The following TMEM125 variants were observed in gnomAD, a reference collection of about 807,000 sequenced individuals.
The protein encoded by TMEM125 is transmembrane protein 125.
Under a neutral mutation model 8.7 loss-of-function variants are expected in TMEM125, and 11 were observed. The observed-to-expected ratio is 1.26, with a 90% CI of 0.79 to 2.08. The LOEUF is 2.08. Among genes scored for constraint, TMEM125 ranks in the 30% most tolerant of loss-of-function variants. TMEM125 has a pLI of 0.00. For missense variants in TMEM125, 270 were observed against 302.4 expected (o/e 0.89, Z 0.79); for synonymous variants, 144 against 146.1 (o/e 0.99, Z 0.10).
Position 43,272,479 on chromosome 1 carries a change from C to G in TMEM125, c.-145-99C>G. On this transcript the variant is annotated intron_variant, in intron 3 of 3. Coordinates refer to ENST00000439858, the MANE Select transcript of TMEM125 (RefSeq NM_144626.3). This position sits in a 1 kb window ranked among gnomAD's most constrained non-coding sequence, Gnocchi z 5.0. ...CTATCCCAGGGGAGATTCGGGGGAA[C>G]ACTGGGGTGGATTCTCAGGGATCAT... 4.7e-6 allele frequency: 2 copies of G among 429,848 alleles called. No homozygotes were observed. Among genetic ancestry groups the G allele is most frequent in the Non-Finnish European group, 8.2e-6 (2 of 245,354 alleles). The allele number at this position is 429,848 out of a possible 1,614,324, so 26.6% of individuals were successfully genotyped here.
chr1:43,273,572 T>C lies in TMEM125; in HGVS notation c.*190T>C. ...CCCACACATCCACATCATGGGAAGG[T>C]TAATGTGTGCCTCCTTGGAACTGGG... is the stretch of plus-strand genomic sequence containing the variant. On this transcript the variant is annotated 3_prime_UTR_variant, in exon 4 of 4. Coordinates refer to ENST00000439858, the MANE Select transcript of TMEM125 (RefSeq NM_144626.3). 1.3e-6 allele frequency: 1 copy of C among 747,722 alleles called. No individual in the cohort carries two copies. The highest frequency in any genetic ancestry group is 2.7e-5 in the East Asian group (1 of 36,506). The allele number at this position is 747,722 out of a possible 1,614,324, so 46.3% of individuals were successfully genotyped here.
Position 43,273,921 on chromosome 1 carries a change from G to C in TMEM125, c.*539G>C, listed in dbSNP as rs1646513492. The C allele has an allele frequency of 5.9e-6, 1 of 169,650 alleles. No individual in the cohort carries two copies. Among genetic ancestry groups the C allele is most frequent in the Non-Finnish European group, 1.4e-5 (1 of 69,906 alleles). 10.5% of individuals were successfully genotyped at this position (169,650 alleles called of 1,614,324 possible). A position where few individuals can be genotyped will look rare whatever the true frequency, so the allele number is the denominator to read the frequency against. ...TCATGGTTGTGTTAATCGATTGTGG[G>C]GATGAAATGTCATTGTGTATGGAAG... is the stretch of plus-strand genomic sequence containing the variant. On this transcript the variant is annotated 3_prime_UTR_variant, in exon 4 of 4. Transcript: ENST00000439858.
In TMEM125 at chr1:43,273,918, T is replaced by C. The variant is rs1012723374; in HGVS notation, c.*536T>C. ...CTATCATGGTTGTGTTAATCGATTG[T>C]GGGGATGAAATGTCATTGTGTATGG... On this transcript the variant is annotated 3_prime_UTR_variant, in exon 4 of 4. Coordinates refer to ENST00000439858, the MANE Select transcript of TMEM125 (RefSeq NM_144626.3). 1 of 169,822 alleles carries C rather than the reference T, an allele frequency of 5.9e-6. No individual in the cohort carries two copies. The highest frequency in any genetic ancestry group is 6.3e-5 in the Admixed American group (1 of 15,896). 10.5% of individuals were successfully genotyped at this position (169,822 alleles called of 1,614,324 possible).
Position 43,272,762 on chromosome 1 carries a change from C to T in TMEM125, c.40C>T (p.Leu14=). The change falls in exon 4 of 4, where the codon CTG becomes TTG. Residue 14 remains leucine, a synonymous_variant. Transcript: ENST00000439858. The surrounding 1 kb of genome is among the most constrained non-coding windows in gnomAD (Gnocchi z 5.0). The part of the protein sequence containing the change: ...QEAQAPGGRG[L]PPDMLAEQVE... ...GGCTCAAGCCCCAGGGGGCCGGGGGCTGCCCCCGGACATGCTGGCAGAGCA... is the reference window on the plus strand; with the variant it reads ...GGCTCAAGCCCCAGGGGGCCGGGGGTTGCCCCCGGACATGCTGGCAGAGCA... 1 of 1,519,274 alleles carries T rather than the reference C, an allele frequency of 6.6e-7. No homozygotes were observed. Among genetic ancestry groups the T allele is most frequent in the African/African-American group, 1.4e-5 (1 of 72,248 alleles). The allele number at this position is 1,519,274 out of a possible 1,614,324, so 94.1% of individuals were successfully genotyped here. A position where few individuals can be genotyped will look rare whatever the true frequency, so the allele number is the denominator to read the frequency against.
At position 43,271,805 on chromosome 1, in the gene TMEM125, G is replaced by A. The variant is rs1015434053; in HGVS notation, c.-301-379G>A. ...AGAGGTGGAGCCCCAGGGACAGGAC[G>A]TGGATTAGATACAGCAGAGGGAGGA... On this transcript the variant is annotated intron_variant, in intron 2 of 3. Coordinates refer to ENST00000439858, the MANE Select transcript of TMEM125 (RefSeq NM_144626.3). This position sits in a 1 kb window ranked among gnomAD's most constrained non-coding sequence, Gnocchi z 4.9. Among the ~76,000 whole-genome samples the A allele has an allele frequency of 9.2e-5, 14 of 152,310 alleles. No individual in the cohort carries two copies. In the East Asian group the frequency reaches 2.3e-3, roughly 25 times the overall value.
intron 1 of TMEM125, 150 bp downstream of exon 1, chr1:43,270,235 A>C (rs530727155): frequency 2.6e-4 from 39 of 152,216 alleles, no homozygotes; most frequent in Non-Finnish European, 4.4e-4. Context: ...CTTAGTCCAG[A>C]ATTTGAGTTG....
intron 1 of TMEM125, 85 bp from the exon 2 acceptor site, chr1:43,270,596 G>C (rs941339885): frequency 1.3e-5 from 2 of 152,802 alleles, no homozygotes; most frequent in African/African-American, 4.8e-5. Context: ...GAATGCCTCA[G>C]CCCAGCAGAA....
In TMEM125 at chr1:43,273,231, T is replaced by A. The variant is rs1646507460; in HGVS notation, c.509T>A (p.Val170Glu). ...CTGCTGGGCCTGCTGCTGTATCAAG[T>A]GGGTGTGAGCGGACACTGCCCCTCC... Reference protein sequence around the residue: ...LLLLGLLLYQVGVSGHCPSIC... With the variant: ...LLLLGLLLYQEGVSGHCPSIC... The change falls in exon 4 of 4, where the codon GTG becomes GAG. Residue 170 changes from valine to glutamate, a missense_variant. Around this residue, in one of 3 missense-constraint regions of TMEM125, gnomAD observed 3 missense variants for 16.5 expected, o/e 0.18. Transcript: ENST00000439858. 1 of 1,614,032 alleles carries A rather than the reference T, an allele frequency of 6.2e-7. No homozygotes were observed. The highest frequency in any genetic ancestry group is 1.7e-5 in the Admixed American group (1 of 60,004).
Position 43,271,443 on chromosome 1 carries a change from G to A in TMEM125, c.-302+650G>A, listed in dbSNP as rs1281513869. ...CACAGGCACTGGCCTGCTTGCTTCT[G>A]TCTCTGTCTTCTGCTGCAGACTGGG... On this transcript the variant is annotated intron_variant, in intron 2 of 3. Coordinates refer to ENST00000439858, the MANE Select transcript of TMEM125 (RefSeq NM_144626.3). The surrounding 1 kb of genome is among the most constrained non-coding windows in gnomAD (Gnocchi z 4.9). 2.0e-5 allele frequency among the ~76,000 whole-genome samples: 3 copies of A among 152,192 alleles called. No homozygotes were observed. Among genetic ancestry groups the A allele is most frequent in the Non-Finnish European group, 4.4e-5 (3 of 68,034 alleles).
chr1:43,272,715 A>G lies in TMEM125; in HGVS notation c.-8A>G. The G allele has an allele frequency of 2.0e-6, 3 of 1,493,162 alleles. No homozygotes were observed. Among genetic ancestry groups the G allele is most frequent in the South Asian group, 1.4e-5 (1 of 72,080 alleles). The allele number at this position is 1,493,162 out of a possible 1,614,324, so 92.5% of individuals were successfully genotyped here. A position where few individuals can be genotyped will look rare whatever the true frequency, so the allele number is the denominator to read the frequency against. ...GACCTCCTACCCTGACCCCTGCCTG[A>G]CCAAGCCATGTCTGAACAGGAGGCT... is the stretch of plus-strand genomic sequence containing the variant. On this transcript the variant is annotated 5_prime_UTR_variant, in exon 4 of 4. Transcript: ENST00000439858. This position sits in a 1 kb window ranked among gnomAD's most constrained non-coding sequence, Gnocchi z 5.0.
chr1:43,272,534 G>C lies in TMEM125; in HGVS notation c.-145-44G>C, dbSNP rs759555248. On this transcript the variant is annotated intron_variant, in intron 3 of 3. Transcript: ENST00000439858. The surrounding 1 kb of genome is among the most constrained non-coding windows in gnomAD (Gnocchi z 5.0). ...AAGGCTCCCAGGTGGGACCGTGGGG[G>C]ACAGGTGGGCTGGGAAGGTAAGACT... The C allele has an allele frequency of 4.0e-6, 2 of 500,164 alleles. No homozygotes were observed. Among genetic ancestry groups the C allele is most frequent in the Non-Finnish European group, 6.7e-6 (2 of 297,240 alleles). The allele number at this position is 500,164 out of a possible 1,614,324, so 31.0% of individuals were successfully genotyped here.
chr1:43,273,018 A>G lies in TMEM125; in HGVS notation c.296A>G (p.Gln99Arg). 6.2e-7 allele frequency: 1 copy of G among 1,612,732 alleles called. No individual in the cohort carries two copies. Residue 99 changes from glutamine (Q) to arginine (R), a missense_variant, in exon 4 of 4, where the codon CAG (glutamine) becomes CGG (arginine). Physicochemically the swap from Gln to Arg is conservative, Grantham distance 43. Transcript: ENST00000439858. ...SAVQDMNCIRQAHHVALLRSG... is the reference protein window; with the variant it reads ...SAVQDMNCIRRAHHVALLRSG... ...GTGCAGGACATGAACTGCATCCGCCAGGCCCACCATGTGGCCCTGCTGCGC... is the reference window on the plus strand; with the variant it reads ...GTGCAGGACATGAACTGCATCCGCCGGGCCCACCATGTGGCCCTGCTGCGC...
rs777373513 is a variant in TMEM125 at position 43,273,434 on chromosome 1, G to A, written c.*52G>A. ...CAGCGGCCTCAGCGTCCCCAGAGCC[G>A]AGCCAGGGTGTGAGTGCATGTGAAC... On this transcript the variant is annotated 3_prime_UTR_variant, in exon 4 of 4. Coordinates refer to ENST00000439858, the MANE Select transcript of TMEM125 (RefSeq NM_144626.3). The A allele has an allele frequency of 1.6e-5, 25 of 1,562,180 alleles. No individual in the cohort carries two copies. The highest frequency in any genetic ancestry group is 3.6e-5 in the South Asian group (3 of 82,764).
Position 43,270,741 on chromosome 1 carries a change from C to A in TMEM125, c.-354C>A, listed in dbSNP as rs1000611000. 1.0e-4 allele frequency: 16 copies of A among 152,772 alleles called. No homozygotes were observed. Among genetic ancestry groups the A allele is most frequent in the Admixed American group, 3.3e-4 (5 of 15,278 alleles). 9.5% of individuals were successfully genotyped at this position (152,772 alleles called of 1,614,324 possible). ...TCCCCGGAAACCAAGCTAGAGTGCC[C>A]CACCTGCTCGGCCCTGCCTTCTCGG... On this transcript the variant is annotated 5_prime_UTR_variant, in exon 2 of 4. Transcript: ENST00000439858.
rs757122218 is a variant in TMEM125, at chr1:43,271,518, A to C, written c.-301-666A>C. On this transcript the variant is annotated intron_variant, in intron 2 of 3. Coordinates refer to ENST00000439858, the MANE Select transcript of TMEM125 (RefSeq NM_144626.3). The surrounding 1 kb of genome is among the most constrained non-coding windows in gnomAD (Gnocchi z 4.9). ...GTGCTTTATTTTTGCCCAATGTGAG[A>C]CATGCTTTCCTCTGGAGGACAGGTT... Among the ~76,000 whole-genome samples, 1 of 152,200 alleles carries C rather than the reference A, an allele frequency of 6.6e-6. No homozygotes were observed. The highest frequency in any genetic ancestry group is 1.5e-5 in the Non-Finnish European group (1 of 68,042).
Position 43,273,004 on chromosome 1 carries a change from G to T in TMEM125, c.282G>T (p.Met94Ile). Reference sequence around the variant, plus strand: ...TGATGAGCTCGGCTGTGCAGGACATGAACTGCATCCGCCAGGCCCACCATG... The same window carrying T: ...TGATGAGCTCGGCTGTGCAGGACATTAACTGCATCCGCCAGGCCCACCATG... The part of the protein sequence containing the change: ...KQLMSSAVQD[M>I]NCIRQAHHVA... Residue 94 changes from methionine to isoleucine, a missense_variant, in exon 4 of 4, where the codon ATG (methionine) becomes ATT (isoleucine). Physicochemically the swap from Met to Ile is conservative, Grantham distance 10 (BLOSUM62 1). This residue lies in a region of TMEM125 where 215 missense variants were observed against 216.5 expected (regional missense o/e 0.99). Transcript: ENST00000439858. The T allele has an allele frequency of 6.2e-7, 1 of 1,612,830 alleles. No homozygotes were observed. The highest frequency in any genetic ancestry group is 1.3e-5 in the African/African-American group (1 of 75,024).
At position 43,272,707 on chromosome 1, in the gene TMEM125, C is replaced by T. The variant is rs575076181; in HGVS notation, c.-16C>T. On this transcript the variant is annotated 5_prime_UTR_variant, in exon 4 of 4. Coordinates refer to ENST00000439858, the MANE Select transcript of TMEM125 (RefSeq NM_144626.3). This position sits in a 1 kb window ranked among gnomAD's most constrained non-coding sequence, Gnocchi z 5.0. The stretch of plus-strand genomic sequence containing the variant: ...CTGACATTGACCTCCTACCCTGACC[C>T]CTGCCTGACCAAGCCATGTCTGAAC... 60 of 1,488,930 alleles carry T rather than the reference C, an allele frequency of 4.0e-5. No individual in the cohort carries two copies. Among genetic ancestry groups the T allele is most frequent in the Non-Finnish European group, 5.2e-5 (58 of 1,122,788 alleles). 92.2% of individuals were successfully genotyped at this position (1,488,930 alleles called of 1,614,324 possible).
At chr1:43,270,826 C>T (rs1241693476) in intron 2 of TMEM125, 33 bp downstream of exon 2, 3 of 152,114 alleles carry the variant, frequency 2.0e-5, no homozygotes, top group Non-Finnish European at 4.4e-5. Context: ...AACGCCCCAC[C>T]GCCCCCATGT....
At position 43,271,673 on chromosome 1, in the gene TMEM125, G is replaced by A. The variant is rs570245580; in HGVS notation, c.-301-511G>A. ...GAGAAATCGTGGAGGAGGATGGCAT[G>A]GGGGAATGGCGAGTGTGGAGAAGAG... is the stretch of plus-strand genomic sequence containing the variant. On this transcript the variant is annotated intron_variant, in intron 2 of 3. Coordinates refer to ENST00000439858, the MANE Select transcript of TMEM125 (RefSeq NM_144626.3). The surrounding 1 kb of genome is among the most constrained non-coding windows in gnomAD (Gnocchi z 4.9). Among the ~76,000 whole-genome samples, 32 of 152,212 alleles carry A rather than the reference G, an allele frequency of 2.1e-4. No individual in the cohort carries two copies. Among genetic ancestry groups the A allele is most frequent in the Admixed American group, 1.2e-3 (18 of 15,280 alleles).
Sources: allele counts gnomAD v4.1 joint callset (sites outside exome capture counted in the v4.1 genomes callset), GRCh38; gene constraint gnomAD v4.1.1; regional missense constraint gnomAD v4.1.1; non-coding constraint Gnocchi (gnomAD v3.1); transcripts MANE v1.5; gene names NCBI Gene and HGNC (gene_info 2026-07-23, HGNC 2026-07-21).